The following NAV2 variants were observed in gnomAD, a reference collection of about 807,000 sequenced individuals.
NAV2 encodes helicase, APC down-regulated 1.
Under a neutral mutation model 223.2 loss-of-function variants are expected in NAV2, and 54 were observed. That is an observed-to-expected ratio of 0.24 (90% CI 0.19 to 0.30). The LOEUF (loss-of-function observed/expected upper bound fraction) is 0.30. NAV2 is among the 10% of genes least tolerant of loss of function. The pLI is 1.00. For synonymous variants in NAV2, 1,279 were observed against 1,239.3 expected, an observed-to-expected ratio of 1.03 and a Z score of -0.67; for missense variants, 2,806 against 3,147.5, an observed-to-expected ratio of 0.89 and a Z score of 2.60.
chr11:19,822,187 G>A lies in NAV2; in HGVS notation c.268-10297G>A, dbSNP rs532803080. Among the ~76,000 whole-genome samples the A allele has an allele frequency of 7.9e-4, 121 of 152,304 alleles. 2 individuals carry two copies. The highest frequency in any genetic ancestry group is 4.3e-3 in the Admixed American group (66 of 15,304). On this transcript the variant is annotated intron_variant, in intron 1 of 37. Transcript: ENST00000349880. ...TAGATTATCTCATTTCAATCTCACA[G>A]TAACCAGAATGGGTGATCCATTTTA...
chr11:19,676,330 A>C lies in NAV2; in HGVS notation c.76-156154A>C, dbSNP rs144214944. ...TTCCAGCTGTGTGTCTGTGAGCAAG[A>C]GTCTTAGTTCCTCTGTGCTTCCATA... On this transcript the variant is annotated intron_variant, in intron 1 of 37. Transcript: ENST00000360655. Among the ~76,000 whole-genome samples the C allele has an allele frequency of 1.3e-3, 193 of 152,268 alleles. 4 individuals carry two copies. The highest frequency in any genetic ancestry group is 4.4e-3 in the African/African-American group (184 of 41,550).
chr11:19,972,433 G>A (rs1046904750), intron 10 of NAV2, among the ~76,000 whole-genome samples: 2 of 152,120 alleles, frequency 1.3e-5, no homozygotes, highest in South Asian at 2.1e-4. Context: ...GAAGGCCAAA[G>A]GTCTATATAT....
At chr11:19,596,588 C>T (rs1847229377) in intron 1 of NAV2, among the ~76,000 whole-genome samples, 1 of 152,206 alleles carries the variant, frequency 6.6e-6, no homozygotes, top group Admixed American at 6.5e-5. Flanking sequence ...GGCCAGCCTC[C>T]CACTGCCCCG....
At chr11:19,706,934 C>T (rs2049681901) in intron 1 of NAV2, among the ~76,000 whole-genome samples, 1 of 152,164 alleles carries the variant, frequency 6.6e-6, no homozygotes, top group Non-Finnish European at 1.5e-5. Flanking sequence ...GGCTACAAGC[C>T]TGTATAGCAT....
intron 1 of NAV2, among the ~76,000 whole-genome samples, chr11:19,678,538 A>G (rs1306682594): frequency 3.9e-5 from 6 of 152,230 alleles, no homozygotes; most frequent in Admixed American, 2.6e-4. Flanking sequence ...CGCAAGTCAC[A>G]GTAGAGCTGT....
In NAV2 at chr11:19,371,517, A is replaced by T. The variant is rs185156180; in HGVS notation, c.75+20490A>T. On this transcript the variant is annotated intron_variant, in intron 1 of 37. Transcript: ENST00000360655. ...TTTATTGAGTACTTACTGAGTGCTT[A>T]CCAGGGATTGTGCTGTGTGCTTTTC... Among the ~76,000 whole-genome samples the T allele has an allele frequency of 3.9e-5, 6 of 152,342 alleles. No homozygotes were observed. The South Asian group carries it at 6.2e-4, about 16-fold the overall frequency.
chr11:20,102,875 A>G (rs147117899), intron 32 of NAV2, among the ~76,000 whole-genome samples: 235 of 152,298 alleles, frequency 1.5e-3, no homozygotes, highest in African/African-American at 5.3e-3. Flanking sequence ...TGTCTGCCAC[A>G]GCACTACTCA....
intron 4 of NAV2, among the ~76,000 whole-genome samples, chr11:19,873,241 C>T (rs2062635544): frequency 1.3e-5 from 2 of 152,236 alleles, no homozygotes; most frequent in South Asian, 4.2e-4. Context: ...TTAAACTAAC[C>T]TTGATTCCAG....
chr11:19,596,499 G>C (rs1370270882), intron 1 of NAV2, among the ~76,000 whole-genome samples: 1 of 152,174 alleles, frequency 6.6e-6, no homozygotes, highest in Non-Finnish European at 1.5e-5. Flanking sequence ...CCCCTAATCA[G>C]GATGGAGACG....
intron 18 of NAV2, among the ~76,000 whole-genome samples, chr11:20,055,150 G>A (rs1209715579): frequency 3.3e-5 from 5 of 152,200 alleles, no homozygotes; most frequent in Admixed American, 2.0e-4. Flanking sequence ...GAGGTGGCTT[G>A]TAATCAAGTG....
intron 1 of NAV2, among the ~76,000 whole-genome samples, chr11:19,816,691 T>G (rs1457260694): frequency 6.6e-6 from 1 of 152,150 alleles, no homozygotes; most frequent in Non-Finnish European, 1.5e-5. Context: ...ACACAGAATA[T>G]CCGCCCTCCT....
chr11:19,624,467 C>T (rs1034065379), intron 1 of NAV2, among the ~76,000 whole-genome samples: 1 of 152,184 alleles, frequency 6.6e-6, no homozygotes, highest in African/African-American at 2.4e-5. Flanking sequence ...GGTGCCCCTC[C>T]CCCAGCCTCG....
intron 1 of NAV2, among the ~76,000 whole-genome samples, chr11:19,578,428 G>A (rs1200786934): frequency 6.6e-6 from 1 of 152,192 alleles, no homozygotes; most frequent in Non-Finnish European, 1.5e-5. Context: ...ATGTCATTGA[G>A]CCTCTAGAAG....
intron 19 of NAV2, 66 bp from the exon 20 acceptor site, chr11:20,062,241 C>A: frequency 8.4e-7 from 1 of 1,183,464 alleles, no homozygotes. Flanking sequence ...ATGTTCTCCT[C>A]CCCTGTCCCC....
At chr11:19,585,745 A>G (rs2045874979) in intron 1 of NAV2, among the ~76,000 whole-genome samples, 1 of 152,200 alleles carries the variant, frequency 6.6e-6, no homozygotes, top group African/African-American at 2.4e-5. Flanking sequence ...CTACTAAGAG[A>G]TCCGCTGTTA....
chr11:19,536,525 A>G (rs2044194281), intron 1 of NAV2, among the ~76,000 whole-genome samples: 1 of 152,028 alleles, frequency 6.6e-6, no homozygotes, highest in African/African-American at 2.4e-5. Flanking sequence ...CTTTGACAAG[A>G]CTCCCCACCA....
chr11:19,955,315 A>T (rs1357089390), intron 10 of NAV2, among the ~76,000 whole-genome samples: 1 of 152,012 alleles, frequency 6.6e-6, no homozygotes, highest in Non-Finnish European at 1.5e-5. Context: ...ACTTGAGTCC[A>T]GGAGGTTGAG....
intron 3 of NAV2, among the ~76,000 whole-genome samples, chr11:19,849,409 C>T (rs929794513): frequency 6.6e-6 from 1 of 152,214 alleles, no homozygotes; most frequent in African/African-American, 2.4e-5. Flanking sequence ...CCTGAGTTGA[C>T]CTGCTGATGG....
chr11:19,946,200 C>A (rs1483386570), intron 8 of NAV2, among the ~76,000 whole-genome samples: 1 of 152,252 alleles, frequency 6.6e-6, no homozygotes, highest in Admixed American at 6.5e-5. Context: ...AAGGAAGAAT[C>A]TCCCTGGACT....
Sources: gnomAD v4.1 joint callset for allele counts (sites outside exome capture counted in the v4.1 genomes callset) on GRCh38, gnomAD v4.1.1 for gene constraint, MANE v1.5 for transcripts, NCBI Gene and HGNC (gene_info 2026-07-23, HGNC 2026-07-21) for gene names.